The following PCDHGA3 variants were observed in gnomAD, a reference collection of about 807,000 sequenced individuals.
The protein encoded by PCDHGA3 is protocadherin gamma subfamily A, 3, also known as protocadherin gamma-A3.
In PCDHGA3, 40 loss-of-function variants were observed where a neutral mutation model predicts 58.5. The observed-to-expected ratio is 0.68, with a 90% confidence interval of 0.53 to 0.89. PCDHGA3 has a LOEUF of 0.89. PCDHGA3 is among the 40% of genes least tolerant of loss of function. The pLI, the probability that PCDHGA3 is intolerant of heterozygous loss-of-function variation, is 0.00. For missense variants in PCDHGA3, 1,223 were observed against 1,195.9 expected, an observed-to-expected ratio of 1.02 and a Z score of -0.33; for synonymous variants, 530 against 525.7, an observed-to-expected ratio of 1.01 and a Z score of -0.11.
At chr5:141,407,309 A>C (rs1197028846) in intron 1 of PCDHGA3, among the ~76,000 whole-genome samples, 1 of 152,240 alleles carries the variant, frequency 6.6e-6, no homozygotes, top group African/African-American at 2.4e-5. Flanking sequence ...AGTAGCCTTC[A>C]TACTTAGTAT....
At chr5:141,352,297 C>A in intron 1 of PCDHGA3, 1 of 1,614,070 alleles carries the variant, frequency 6.2e-7, no homozygotes, top group Non-Finnish European at 8.5e-7. Context: ...AGCCCTCTGA[C>A]CCCCAGACGG....
At chr5:141,350,774 A>G in intron 1 of PCDHGA3, 6 of 1,613,968 alleles carry the variant, frequency 3.7e-6, no homozygotes, top group Non-Finnish European at 4.2e-6. Flanking sequence ...CATCAACCCC[A>G]ATCAATACTT....
intron 1 of PCDHGA3, chr5:141,427,741 C>T (rs748636652): frequency 8.1e-7 from 1 of 1,240,376 alleles, no homozygotes; most frequent in Non-Finnish European, 1.2e-6. Context: ...GGCCAAGTCT[C>T]CTACTCCATC....
chr5:141,393,492 C>T (rs778632774), intron 1 of PCDHGA3: 11 of 1,613,922 alleles, frequency 6.8e-6, no homozygotes, highest in African/African-American at 1.3e-5. Flanking sequence ...TAGCACAGTG[C>T]GCATCCACGT....
At chr5:141,415,655 T>C (rs780357843) in intron 1 of PCDHGA3, 50 of 1,586,718 alleles carry the variant, frequency 3.2e-5, no homozygotes, top group Non-Finnish European at 4.0e-5. Flanking sequence ...AAAAAAAAGA[T>C]TGGTTTTTAC....
At chr5:141,506,700 G>A (rs780282969) in intron 3 of PCDHGA3, among the ~76,000 whole-genome samples, 3 of 152,138 alleles carry the variant, frequency 2.0e-5, no homozygotes, top group Non-Finnish European at 2.9e-5. Flanking sequence ...ACCCAAACCC[G>A]TTTTTTACTG....
rs201391904 is a variant in PCDHGA3, at chr5:141,494,843, G to A, written c.2461G>A (p.Ala821Thr). Residue 821 changes from alanine to threonine, a missense_variant, in exon 2 of 4, where the codon GCC becomes ACC. Transcript: ENST00000253812. ...PPNTDWRFSQ[A>T]QRPGTSGSQN... is the part of the protein sequence containing the mutation. ...CAACACGGACTGGCGTTTCTCTCAG[G>A]CCCAGAGACCCGGCACCAGCGGGTA... 1.9e-6 allele frequency: 3 copies of A among 1,614,088 alleles called. No homozygotes were observed. Among genetic ancestry groups the A allele is most frequent in the Admixed American group, 3.3e-5 (2 of 60,008 alleles).
chr5:141,350,826 C>T (rs781126362), intron 1 of PCDHGA3: 25 of 1,613,976 alleles, frequency 1.5e-5, no homozygotes, highest in Middle Eastern at 3.3e-4. Context: ...AGTAAATATC[C>T]GGTATTACTG....
intron 1 of PCDHGA3, chr5:141,492,050 C>T (rs2099736541): frequency 4.0e-6 from 2 of 500,984 alleles, no homozygotes; most frequent in South Asian, 7.5e-5. Context: ...AGATCCACCC[C>T]TGCAGCCAGC....
chr5:141,376,095 T>A, intron 1 of PCDHGA3: 10 of 1,613,628 alleles, frequency 6.2e-6, no homozygotes, highest in Non-Finnish European at 8.5e-6. Flanking sequence ...ATCCCCGACA[T>A]CCTGGCCGAC....
At chr5:141,386,031 T>C (rs1010302626) in intron 1 of PCDHGA3, 2 of 152,232 alleles carry the variant, frequency 1.3e-5, no homozygotes, top group Non-Finnish European at 1.5e-5. Flanking sequence ...ATTTGTGACA[T>C]AGGCAATTAC....
rs1307889557 is a variant in PCDHGA3, at chr5:141,486,267, C to G, written c.2425-8540C>G. On this transcript the variant is annotated intron_variant, in intron 1 of 3. Transcript: ENST00000253812. The surrounding 1 kb of genome is among the most constrained non-coding windows in gnomAD (Gnocchi z 5.0). ...GGAACCCTCCCCGAGAGTGCAGAAC[C>G]TGGCACTGTGGTGGCACTTATCAGT... 1 of 1,614,128 alleles carries G rather than the reference C, an allele frequency of 6.2e-7. No homozygotes were observed. Among genetic ancestry groups the G allele is most frequent in the South Asian group, 1.1e-5 (1 of 91,072 alleles).
chr5:141,445,388 A>G (rs2098465525), intron 1 of PCDHGA3, among the ~76,000 whole-genome samples: 2 of 152,212 alleles, frequency 1.3e-5, no homozygotes, highest in African/African-American at 4.8e-5. Flanking sequence ...TCATTCATTT[A>G]CATAACAAAT....
intron 1 of PCDHGA3, chr5:141,427,900 C>T (rs1351712272): frequency 2.5e-6 from 4 of 1,571,732 alleles, no homozygotes; most frequent in Non-Finnish European, 3.5e-6. Flanking sequence ...GGCTCGCCCG[C>T]GCTCAGCGCC....
rs1561561698 is a variant in PCDHGA3 at position 141,374,186 on chromosome 5, A to G, written c.2424+27729A>G. 5 of 1,613,668 alleles carry G rather than the reference A, an allele frequency of 3.1e-6. No individual in the cohort carries two copies. The highest frequency in any genetic ancestry group is 3.3e-5 in the Admixed American group (2 of 60,008). On this transcript the variant is annotated intron_variant, in intron 1 of 3. Transcript: ENST00000253812. ...CGCGGCAGCGCAGATCCGCTACTCT[A>G]TTCCCGAGGAGCTGGAGAAAGGCTC... is the stretch of plus-strand genomic sequence containing the variant.
At chr5:141,424,698 T>G (rs1214214315) in intron 1 of PCDHGA3, 1 of 152,228 alleles carries the variant, frequency 6.6e-6, no homozygotes, top group Non-Finnish European at 1.5e-5. Context: ...GCTATTTTTT[T>G]GTTCATTTTC....
rs3749771 is a variant in PCDHGA3, at chr5:141,376,276, C to A, written c.2424+29819C>A. The A allele has an allele frequency of 5.9e-4, 946 of 1,614,240 alleles. 16 individuals are homozygous for A. The East Asian group carries it at 0.018, about 31-fold the overall frequency. The stretch of plus-strand genomic sequence containing the variant: ...GCCTGCTGCAGGCTTCGGGAGGTGG[C>A]TTAGCGAGCATGCCCGGCTCGCACT... On this transcript the variant is annotated intron_variant, in intron 1 of 3. Coordinates refer to ENST00000253812, the MANE Select transcript of PCDHGA3 (RefSeq NM_018916.4).
intron 1 of PCDHGA3, chr5:141,398,909 T>A: frequency 6.2e-7 from 1 of 1,613,984 alleles, no homozygotes; most frequent in Non-Finnish European, 8.5e-7. Context: ...GGCACCACTG[T>A]GTTGCAAGTG....
intron 1 of PCDHGA3, among the ~76,000 whole-genome samples, chr5:141,370,068 G>A (rs988277757): frequency 9.9e-5 from 15 of 152,192 alleles, no homozygotes; most frequent in Non-Finnish European, 1.9e-4. Flanking sequence ...TTTTAAAATG[G>A]GAAGAAAGTA....
Sources: allele counts gnomAD v4.1 joint callset (sites outside exome capture counted in the v4.1 genomes callset), GRCh38; gene constraint gnomAD v4.1.1; non-coding constraint Gnocchi (gnomAD v3.1); transcripts MANE v1.5; gene names NCBI Gene and HGNC (gene_info 2026-07-23, HGNC 2026-07-21).